The following HMGB1 variants were observed in gnomAD, a reference collection of about 807,000 sequenced individuals.
HMGB1 encodes the protein high mobility group box 1, also known as high mobility group protein B1.
For synonymous variants in HMGB1, 81 were observed against 84.0 expected (o/e 0.96, Z 0.19); for missense variants, 79 against 253.5 (o/e 0.31, Z 4.67).
rs1394591150 is a variant in HMGB1, at chr13:30,586,511, G to A, written c.-15+30160C>T. ...TTTTTTTTTTTTTTTTTTTTGAGATGGAGTTTCGCTCTGTTGCCCAGGCTG... is the reference window on the plus strand; with the variant it reads ...TTTTTTTTTTTTTTTTTTTTGAGATAGAGTTTCGCTCTGTTGCCCAGGCTG... On this transcript the variant is annotated intron_variant, in intron 1 of 4. Transcript: ENST00000405805. 3.1e-5 allele frequency among the ~76,000 whole-genome samples: 4 copies of A among 128,248 alleles called. No individual in the cohort carries two copies. The Admixed American group carries it at 3.3e-4, about 10-fold the overall frequency. 84.1% of individuals were successfully genotyped at this position (128,248 alleles called of 152,430 possible).
At chr13:30,564,356 C>T (rs1870097024) in intron 1 of HMGB1, among the ~76,000 whole-genome samples, 1 of 151,166 alleles carries the variant, frequency 6.6e-6, no homozygotes, top group African/African-American at 2.4e-5. Context: ...GGGAGGCTGA[C>T]TCGGGAGGCT....
intron 1 of HMGB1, among the ~76,000 whole-genome samples, chr13:30,507,811 T>C (rs1237326072): frequency 1.3e-5 from 2 of 152,050 alleles, no homozygotes; most frequent in African/African-American, 2.4e-5. Flanking sequence ...CTAGAAAACA[T>C]AGTGAGACTC....
intron 1 of HMGB1, among the ~76,000 whole-genome samples, chr13:30,545,334 G>A (rs1227884838): frequency 2.6e-5 from 4 of 151,342 alleles, no homozygotes; most frequent in Non-Finnish European, 5.9e-5. Flanking sequence ...TGATGAATTA[G>A]AGTGCCGGCT....
chr13:30,562,065 T>A (rs1869978086), intron 1 of HMGB1, among the ~76,000 whole-genome samples: 2 of 152,154 alleles, frequency 1.3e-5, no homozygotes, highest in Admixed American at 6.5e-5. Context: ...CTCACGCCTG[T>A]AATCTAAGCA....
At chr13:30,535,445 C>G (rs1190704642) in intron 1 of HMGB1, among the ~76,000 whole-genome samples, 2 of 152,192 alleles carry the variant, frequency 1.3e-5, no homozygotes, top group African/African-American at 4.8e-5. Flanking sequence ...ATACTAGTAA[C>G]TCACAAAAAA....
intron 1 of HMGB1, among the ~76,000 whole-genome samples, chr13:30,609,537 C>T (rs1042381159): frequency 6.6e-6 from 1 of 152,104 alleles, no homozygotes; most frequent in Non-Finnish European, 1.5e-5. Context: ...CCCTCCCTCC[C>T]TACATGCTCC....
chr13:30,555,287 C>T (rs1290695112), intron 1 of HMGB1, among the ~76,000 whole-genome samples: 1 of 152,072 alleles, frequency 6.6e-6, no homozygotes, highest in Non-Finnish European at 1.5e-5. Context: ...GTGATCCGCC[C>T]GCCTCGGCCT....
At chr13:30,490,017 C>A (rs1197440329) in intron 1 of HMGB1, among the ~76,000 whole-genome samples, 1 of 131,878 alleles carries the variant, frequency 7.6e-6, no homozygotes, top group South Asian at 2.4e-4. Context: ...TCAGCCACTG[C>A]GCTGGTCTCA....
At chr13:30,607,261 C>T (rs1272297186) in intron 1 of HMGB1, among the ~76,000 whole-genome samples, 1 of 152,212 alleles carries the variant, frequency 6.6e-6, no homozygotes, top group Non-Finnish European at 1.5e-5. Context: ...GCTATTATCA[C>T]TCATATGGTT....
chr13:30,532,135 G>A (rs575722435), intron 1 of HMGB1, among the ~76,000 whole-genome samples: 19 of 151,828 alleles, frequency 1.3e-4, no homozygotes, highest in African/African-American at 3.6e-4. Context: ...TAAGGAGTTC[G>A]ACACCAGCCT....
At chr13:30,573,982 C>A (rs942994136) in intron 1 of HMGB1, among the ~76,000 whole-genome samples, 1 of 152,078 alleles carries the variant, frequency 6.6e-6, no homozygotes, top group Non-Finnish European at 1.5e-5. Context: ...AAGGAAGGAC[C>A]CAGCAGTGAA....
At chr13:30,472,418 TG>T (rs1216792992) in intron 1 of HMGB1, among the ~76,000 whole-genome samples, 1 of 152,100 alleles carries the variant, frequency 6.6e-6, no homozygotes, top group African/African-American at 2.4e-5. Flanking sequence ...CTGGCCAACA[TG>T]TTGAAACCGC....
intron 1 of HMGB1, among the ~76,000 whole-genome samples, chr13:30,558,179 C>G (rs1869771965): frequency 1.3e-5 from 2 of 152,098 alleles, no homozygotes; most frequent in African/African-American, 4.8e-5. Context: ...AAATATGGAT[C>G]AGAAAGCTTT....
intron 3 of HMGB1, 148 bp downstream of exon 3, chr13:30,463,059 C>T (rs576510300): frequency 1.2e-6 from 1 of 824,050 alleles, no homozygotes; most frequent in African/African-American, 1.7e-5. Context: ...GAATTTTATA[C>T]TATTTAAATA....
At chr13:30,475,525 T>TTA (rs1247889450) in intron 1 of HMGB1, among the ~76,000 whole-genome samples, 4 of 131,524 alleles carry the variant, frequency 3.0e-5, no homozygotes, top group South Asian at 2.5e-4. Context: ...AGACCATCTC[T>TTA]AAAAAAAAAA....
chr13:30,514,863 G>A (rs552347310), intron 1 of HMGB1, among the ~76,000 whole-genome samples: 138 of 152,220 alleles, frequency 9.1e-4, no homozygotes, highest in African/African-American at 3.2e-3. Context: ...TGTGGTAGGC[G>A]GAACTCTAAG....
rs542673572 is a variant in HMGB1, at chr13:30,553,763, C to T, written c.-15+62908G>A. 267 of 1,384,436 alleles carry T rather than the reference C, an allele frequency of 1.9e-4. No homozygotes were observed. In the African/African-American group the frequency reaches 3.6e-3, roughly 19 times the overall value. 85.8% of individuals were successfully genotyped at this position (1,384,436 alleles called of 1,614,324 possible). ...TGGAAATTCGAAATGAGTCCCATGA[C>T]TATCTTCATAGAGTGGCCAAGTTTC... On this transcript the variant is annotated intron_variant, in intron 1 of 4. Transcript: ENST00000405805.
At position 30,559,247 on chromosome 13, in the gene HMGB1, GGCCAGTGCTTCCTGT is replaced by G. The variant is rs1294964976; in HGVS notation, c.-15+57409_-15+57423del. Reference sequence around the variant, plus strand: ...ACGTTAGGCACTGGCCTCACTCCAAGGCCAGTGCTTCCTGTGCTTCTAGAGTGGCTAGGGAAGCAC... The same window carrying G: ...ACGTTAGGCACTGGCCTCACTCCAAGGCTTCTAGAGTGGCTAGGGAAGCAC... On this transcript the variant is annotated intron_variant, in intron 1 of 4. Coordinates refer to the HMGB1 transcript ENST00000405805. This position sits in a 1 kb window ranked among gnomAD's most constrained non-coding sequence, Gnocchi z 6.6. 2.6e-5 allele frequency among the ~76,000 whole-genome samples: 4 copies of G among 152,072 alleles called. No individual in the cohort carries two copies. Among genetic ancestry groups the G allele is most frequent in the Non-Finnish European group, 5.9e-5 (4 of 68,026 alleles).
At chr13:30,614,388 G>C (rs1311066542) in intron 1 of HMGB1, among the ~76,000 whole-genome samples, 1 of 152,186 alleles carries the variant, frequency 6.6e-6, no homozygotes, top group Non-Finnish European at 1.5e-5. Flanking sequence ...GAAACTATAA[G>C]GAACTCTCCT....
Sources: allele counts gnomAD v4.1 joint callset (sites outside exome capture counted in the v4.1 genomes callset), GRCh38; gene constraint gnomAD v4.1.1; non-coding constraint Gnocchi (gnomAD v3.1); transcripts MANE v1.5; gene names NCBI Gene and HGNC (gene_info 2026-07-23, HGNC 2026-07-21).